LAMB4: variants seen among roughly 807,000 people sequenced by gnomAD.
LAMB4 encodes laminin subunit beta-4.
A neutral mutation model predicts 199.2 loss-of-function variants in LAMB4; 196 were observed. That is an observed-to-expected ratio of 0.98 (90% CI 0.88 to 1.11). LAMB4 has a LOEUF of 1.11. Ranked by LOEUF, LAMB4 falls within the 50% of genes least tolerant of loss-of-function variation. The pLI is 0.00. For missense variants in LAMB4, 2,080 were observed against 2,171.2 expected (o/e 0.96, Z 0.83); for synonymous variants, 744 against 770.6 (o/e 0.97, Z 0.57).
At chr7:108,051,368 A>G (rs1370213715) in intron 26 of LAMB4, among the ~76,000 whole-genome samples, 3 of 152,176 alleles carry the variant, frequency 2.0e-5, no homozygotes, top group African/African-American at 7.2e-5. Flanking sequence ...GAAAGCAGCC[A>G]AAGTTTTTTC....
In LAMB4 at chr7:108,029,179, T is replaced by C; in HGVS notation, c.5010A>G (p.Lys1670=). ...TACGTTGGAGAATAGCATATTGTTT[T>C]TTCAGCTCAACAAATTCCTGTAACA... ...GSLEKEFVEL[K]KQYAILQRKT... is the part of the protein sequence containing the mutation. Residue 1670 remains lysine, a synonymous_variant, in exon 33 of 34, where the codon AAA becomes AAG. Coordinates refer to ENST00000388781, the MANE Select transcript of LAMB4 (RefSeq NM_007356.3). 1.2e-6 allele frequency: 2 copies of C among 1,612,306 alleles called. No individual in the cohort carries two copies. The highest frequency in any genetic ancestry group is 1.7e-6 in the Non-Finnish European group (2 of 1,179,582).
At chr7:108,037,355 A>G in intron 30 of LAMB4, 33 bp downstream of exon 30, 2 of 1,521,638 alleles carry the variant, frequency 1.3e-6, no homozygotes, top group Non-Finnish European at 1.8e-6. Context: ...ATGGTCTGTT[A>G]GAGCAAGATA....
At chr7:108,042,862 G>A (rs1038924036) in intron 29 of LAMB4, among the ~76,000 whole-genome samples, 2 of 151,724 alleles carry the variant, frequency 1.3e-5, no homozygotes, top group Non-Finnish European at 1.5e-5. Flanking sequence ...TGTATAAAAT[G>A]TTAAATTATT....
At chr7:108,104,299 A>C (rs2037921514) in intron 9 of LAMB4, among the ~76,000 whole-genome samples, 200 bp downstream of exon 9, 1 of 152,036 alleles carries the variant, frequency 6.6e-6, no homozygotes, top group African/African-American at 2.4e-5. Flanking sequence ...AGTTAAACTT[A>C]ATTTGTGGTG....
intron 31 of LAMB4, among the ~76,000 whole-genome samples, chr7:108,031,262 G>A (rs1022123611): frequency 1.4e-5 from 2 of 145,962 alleles, no homozygotes; most frequent in East Asian, 4.0e-4. Flanking sequence ...GGTTGAGGAT[G>A]CAGTAAGCTG....
chr7:108,021,949 G>T (rs924675033), downstream of LAMB4, among the ~76,000 whole-genome samples: 1 of 152,268 alleles, frequency 6.6e-6, no homozygotes, highest in South Asian at 2.1e-4. Flanking sequence ...GAGGGCACAT[G>T]AAGAGGCCCG....
At chr7:108,106,620 A>C (rs746137208) in intron 6 of LAMB4, 48 bp from the exon 7 acceptor site, 1 of 1,094,532 alleles carries the variant, frequency 9.1e-7, no homozygotes, top group Non-Finnish European at 1.3e-6. Flanking sequence ...CTGAAAACGT[A>C]ATTGTCAAAC....
chr7:108,086,620 C>T (rs938770350), intron 14 of LAMB4, among the ~76,000 whole-genome samples: 3 of 152,070 alleles, frequency 2.0e-5, no homozygotes, highest in African/African-American at 4.8e-5. Context: ...ACAATTATGT[C>T]CAGATGTCAG....
intron 6 of LAMB4, 84 bp from the exon 7 acceptor site, chr7:108,106,656 C>T (rs2038028092): frequency 2.6e-6 from 2 of 783,064 alleles, no homozygotes; most frequent in Non-Finnish European, 4.1e-6. Flanking sequence ...TTCAAACCTC[C>T]CAGGCCCAAG....
intron 17 of LAMB4, among the ~76,000 whole-genome samples, chr7:108,074,306 T>A (rs1431371655): frequency 6.6e-6 from 1 of 152,210 alleles, no homozygotes; most frequent in East Asian, 1.9e-4. Flanking sequence ...ATACTTCAGG[T>A]TTTCCATAGT....
At chr7:108,128,598 C>T (rs573113171) in intron 1 of LAMB4, among the ~76,000 whole-genome samples, 12 of 152,242 alleles carry the variant, frequency 7.9e-5, no homozygotes, top group Admixed American at 7.2e-4. Context: ...AAGCTCCAAA[C>T]TAGATAAGTA....
Position 108,043,762 on chromosome 7 carries a change from G to C in LAMB4, c.4461C>G (p.Asn1487Lys), listed in dbSNP as rs763128708. ...NINLFIKKVKNFLLEENVPPE... is the reference protein window; with the variant it reads ...NINLFIKKVKKFLLEENVPPE... ...ATATTTTTAAATTACCTAACAAAAAGTTTTTCACTTTTTTGATGAAAAGAT... is the reference window on the plus strand; with the variant it reads ...ATATTTTTAAATTACCTAACAAAAACTTTTTCACTTTTTTGATGAAAAGAT... The change falls in exon 29 of 34, where the codon AAC becomes AAG. Residue 1487 changes from asparagine to lysine, a missense_variant. Transcript: ENST00000388781. 4 of 1,574,970 alleles carry C rather than the reference G, an allele frequency of 2.5e-6. No individual in the cohort carries two copies. The highest frequency in any genetic ancestry group is 2.6e-6 in the Non-Finnish European group (3 of 1,157,732).
At chr7:108,026,640 T>C (rs574390265) in intron 33 of LAMB4, 1 of 217,752 alleles carries the variant, frequency 4.6e-6, no homozygotes, top group South Asian at 6.6e-5. Context: ...CTAAATACTT[T>C]ATCCAAAATT....
intron 14 of LAMB4, among the ~76,000 whole-genome samples, chr7:108,084,784 CTTTTTTTTTT>C (rs745640979): frequency 2.1e-5 from 2 of 96,526 alleles, no homozygotes; most frequent in African/African-American, 4.1e-5. Flanking sequence ...CCAAGGAATC[CTTTTTTTTTT>C]TTTTTTTTTT....
intron 24 of LAMB4, among the ~76,000 whole-genome samples, chr7:108,056,242 T>G (rs1223480237): frequency 6.6e-6 from 1 of 152,154 alleles, no homozygotes; most frequent in African/African-American, 2.4e-5. Flanking sequence ...ATATCAGACG[T>G]TTTTATTGTG....
Position 108,123,204 on chromosome 7 carries a change from T to TA in LAMB4, c.-33-8dup, listed in dbSNP as rs776979292. On this transcript the variant is annotated splice_region_variant and splice_polypyrimidine_tract_variant and intron_variant, in intron 1 of 33. Coordinates refer to ENST00000388781, the MANE Select transcript of LAMB4 (RefSeq NM_007356.3). Reference sequence around the variant, plus strand: ...ATGATTAAATTCAATTCTACTGGGTTAAAAAAAGGTTAAAGTCAATCACTG... The same window carrying TA: ...ATGATTAAATTCAATTCTACTGGGTTAAAAAAAAGGTTAAAGTCAATCACTG... The TA allele has an allele frequency of 7.1e-6, 11 of 1,544,730 alleles. No homozygotes were observed. In the Admixed American group the frequency reaches 9.3e-5, roughly 13 times the overall value.
chr7:108,126,725 C>A (rs1342833325), intron 1 of LAMB4, among the ~76,000 whole-genome samples: 1 of 148,498 alleles, frequency 6.7e-6, no homozygotes, highest in Non-Finnish European at 1.5e-5. Context: ...CCACCGCGCC[C>A]GACTAATTTT....
intron 9 of LAMB4, among the ~76,000 whole-genome samples, chr7:108,103,805 T>C (rs148815048): frequency 3.3e-5 from 5 of 152,346 alleles, no homozygotes; most frequent in African/African-American, 1.2e-4. Flanking sequence ...TTTGTTTCTT[T>C]TCCTGTAAAC....
chr7:108,018,468 G>A, the LAMB4 span, among the ~76,000 whole-genome samples: 1 of 151,956 alleles, frequency 6.6e-6, no homozygotes, highest in African/African-American at 2.4e-5. Flanking sequence ...GGCCAGGCGC[G>A]GTGTCTCATG....
Sources: gnomAD v4.1 joint callset for allele counts (sites outside exome capture counted in the v4.1 genomes callset) on GRCh38, gnomAD v4.1.1 for gene constraint, MANE v1.5 for transcripts, NCBI Gene and HGNC (gene_info 2026-07-23, HGNC 2026-07-21) for gene names.